Variants in CNTN4 observed in about 807,000 individuals in gnomAD.
CNTN4 encodes contactin-4.
A neutral mutation model predicts 122.5 loss-of-function variants in CNTN4; 77 were observed. That is an observed-to-expected ratio of 0.63 (90% CI 0.52 to 0.76). The LOEUF (loss-of-function observed/expected upper bound fraction) is 0.76, where lower values mean the gene tolerates loss of function less well. Ranked by LOEUF, CNTN4 falls within the 30% of genes least tolerant of loss-of-function variation. The pLI, the probability that CNTN4 is intolerant of heterozygous loss-of-function variation, is 0.00. For missense variants in CNTN4, 1,256 were observed against 1,259.1 expected, an observed-to-expected ratio of 1.00 and a Z score of 0.04; for synonymous variants, 512 against 447.0, an observed-to-expected ratio of 1.15 and a Z score of -1.83.
At chr3:3,050,358 G>T (rs1701132308) in intron 23 of CNTN4, among the ~76,000 whole-genome samples, 1 of 152,158 alleles carries the variant, frequency 6.6e-6, no homozygotes, top group African/African-American at 2.4e-5. Flanking sequence ...TGGGCCACTA[G>T]TTTTTTGCTG....
intron 2 of CNTN4, among the ~76,000 whole-genome samples, chr3:2,320,099 C>G (rs1203028109): frequency 2.0e-5 from 3 of 152,140 alleles, no homozygotes; most frequent in Admixed American, 2.0e-4. Flanking sequence ...AAGAATCAAT[C>G]AGGCTGTTGG....
chr3:2,238,968 G>C (rs2633246), intron 2 of CNTN4: 8 of 146,824 alleles, frequency 5.4e-5, no homozygotes, highest in South Asian at 2.3e-4. Flanking sequence ...CTCGTGATCC[G>C]CCCGCCTCGG....
At chr3:2,247,172 T>A (rs939358150) in intron 2 of CNTN4, among the ~76,000 whole-genome samples, 1 of 152,034 alleles carries the variant, frequency 6.6e-6, no homozygotes, top group Non-Finnish European at 1.5e-5. Context: ...ATTCTGTTGA[T>A]AAGCTATTGC....
At position 2,957,806 on chromosome 3, in the gene CNTN4, A is replaced by G. The variant is rs183471246; in HGVS notation, c.1359-30539A>G. Among the ~76,000 whole-genome samples the G allele has an allele frequency of 3.4e-4, 51 of 152,184 alleles. No individual in the cohort carries two copies. The East Asian group carries it at 8.7e-3, about 26-fold the overall frequency. On this transcript the variant is annotated intron_variant, in intron 13 of 24. Transcript: ENST00000418658. ...TATGCCGCATAGTATTCCATGGTGTATATGTGTTGCATTTTCTCTATCCAG... is the reference window on the plus strand; with the variant it reads ...TATGCCGCATAGTATTCCATGGTGTGTATGTGTTGCATTTTCTCTATCCAG...
intron 4 of CNTN4, among the ~76,000 whole-genome samples, chr3:2,706,911 T>C (rs1227214107): frequency 6.6e-6 from 1 of 152,088 alleles, no homozygotes; most frequent in African/African-American, 2.4e-5. Flanking sequence ...TGTAATGAAA[T>C]TTGAGTTAAC....
At chr3:2,360,307 A>T (rs1438340346) in intron 3 of CNTN4, among the ~76,000 whole-genome samples, 3 of 152,018 alleles carry the variant, frequency 2.0e-5, no homozygotes, top group South Asian at 2.1e-4. Flanking sequence ...AAAAAAAAAT[A>T]TTTTACTGTT....
rs946529927 is a variant in CNTN4 at position 2,569,389 on chromosome 3, A to G, written c.-88-2027A>G. On this transcript the variant is annotated intron_variant, in intron 3 of 24. Transcript: ENST00000418658. ...TGTGTTTGCTCACAGTGTTTTTCTT[A>G]TAAGTGGGAGTAAGATGAGAAACTT... Among the ~76,000 whole-genome samples, 8 of 152,300 alleles carry G rather than the reference A, an allele frequency of 5.3e-5. No individual in the cohort carries two copies. In the East Asian group the frequency reaches 5.8e-4, roughly 11 times the overall value.
At chr3:2,722,006 C>G (rs62232731) in intron 4 of CNTN4, among the ~76,000 whole-genome samples, 16,452 of 152,160 alleles carry the variant, frequency 0.11, 1,261 homozygotes, top group East Asian at 0.4. Context: ...TGGGCTTCAC[C>G]AGACACCAAA....
At chr3:2,127,128 A>G (rs889304214) in intron 2 of CNTN4, among the ~76,000 whole-genome samples, 1 of 152,030 alleles carries the variant, frequency 6.6e-6, no homozygotes, top group African/African-American at 2.4e-5. Context: ...AGAAGCCTGG[A>G]TTGCTTAAGT....
intron 4 of CNTN4, among the ~76,000 whole-genome samples, chr3:2,720,094 C>G (rs1400368695): frequency 6.6e-6 from 1 of 152,064 alleles, no homozygotes; most frequent in East Asian, 1.9e-4. Context: ...ATAAGTGTGA[C>G]TAGGGTAAGT....
At chr3:2,617,663 C>T (rs55909915) in intron 4 of CNTN4, among the ~76,000 whole-genome samples, 47,299 of 151,690 alleles carry the variant, frequency 0.31, 8,131 homozygotes, top group Middle Eastern at 0.48. Context: ...CCTAGTGATC[C>T]GCCTGTCTCG....
chr3:2,358,132 A>G (rs2044951444), intron 3 of CNTN4, among the ~76,000 whole-genome samples: 1 of 152,172 alleles, frequency 6.6e-6, no homozygotes, highest in Non-Finnish European at 1.5e-5. Context: ...AATTTCTTCT[A>G]GCCTTATCTG....
At chr3:2,106,938 T>C (rs2032497709) in intron 2 of CNTN4, among the ~76,000 whole-genome samples, 3 of 152,252 alleles carry the variant, frequency 2.0e-5, no homozygotes, top group Non-Finnish European at 4.4e-5. Flanking sequence ...CTAGTCTCTT[T>C]GCTAAAGCAT....
At position 2,900,722 on chromosome 3, in the gene CNTN4, C is replaced by T. The variant is rs201626626; in HGVS notation, c.978C>T (p.His326=). Residue 326 remains histidine, a synonymous_variant, in exon 11 of 25, where the codon CAC becomes CAT. Coordinates refer to ENST00000418658, the MANE Select transcript of CNTN4 (RefSeq NM_175607.3). ...PNWIQKINDI[H]VAMEENVFWE... ...GGATTCAAAAAATAAATGATATTCA[C>T]GTGGCCATGGAAGAAAATGTCTTTT... 646 of 1,613,752 alleles carry T rather than the reference C, an allele frequency of 4.0e-4. 1 individual carries two copies. The highest frequency in any genetic ancestry group is 2.3e-3 in the Middle Eastern group (14 of 6,060).
intron 4 of CNTN4, among the ~76,000 whole-genome samples, chr3:2,666,420 T>C (rs76919790): frequency 0.17 from 25,952 of 151,998 alleles, 2,649 homozygotes; most frequent in South Asian, 0.34. Flanking sequence ...AAAAACTGTT[T>C]CAGGGAAAAA....
At chr3:2,624,246 C>T (rs2082097061) in intron 4 of CNTN4, among the ~76,000 whole-genome samples, 1 of 152,110 alleles carries the variant, frequency 6.6e-6, no homozygotes, top group Admixed American at 6.5e-5. Context: ...TCATAGGTTT[C>T]ACCAGTACAC....
intron 2 of CNTN4, among the ~76,000 whole-genome samples, chr3:2,301,273 T>C (rs988464720): frequency 1.3e-5 from 2 of 152,238 alleles, no homozygotes; most frequent in African/African-American, 2.4e-5. Flanking sequence ...CATATTAATT[T>C]ATATCTTTAT....
intron 14 of CNTN4, among the ~76,000 whole-genome samples, chr3:2,990,092 G>A (rs1229558157): frequency 6.6e-6 from 1 of 152,148 alleles, no homozygotes; most frequent in Non-Finnish European, 1.5e-5. Flanking sequence ...GAGTCGCTTT[G>A]ATAACTGTGA....
At chr3:2,577,689 A>G (rs1481547498) in intron 4 of CNTN4, among the ~76,000 whole-genome samples, 4 of 152,220 alleles carry the variant, frequency 2.6e-5, no homozygotes, top group Admixed American at 1.3e-4. Flanking sequence ...CACATAGGTC[A>G]TATGCTTTAC....
Sources: allele counts gnomAD v4.1 joint callset (sites outside exome capture counted in the v4.1 genomes callset), GRCh38; gene constraint gnomAD v4.1.1; transcripts MANE v1.5; gene names NCBI Gene and HGNC (gene_info 2026-07-23, HGNC 2026-07-21).